GRHL2: variants seen among roughly 807,000 people sequenced by gnomAD.
GRHL2 encodes grainyhead like transcription factor 2.
A neutral mutation model predicts 83.8 loss-of-function variants in GRHL2; 21 were observed. The observed-to-expected ratio is 0.25, with a 90% CI of 0.18 to 0.36. The LOEUF (loss-of-function observed/expected upper bound fraction) is 0.36. Among genes scored for constraint, GRHL2 ranks in the 10% least tolerant of loss-of-function variants. GRHL2 has a pLI of 1.00. For missense variants in GRHL2, 623 were observed against 781.8 expected (o/e 0.80, Z 2.42); for synonymous variants, 280 against 278.9 (o/e 1.00, Z -0.04).
At position 101,661,510 on chromosome 8, in the gene GRHL2, A is replaced by G. The variant is rs150338999; in HGVS notation, c.1699-2944A>G. Reference sequence around the variant, plus strand: ...ACACATCCTCCCATGTACTTTAAATAATCTCTAGATTACTTATAATACGTA... The same window carrying G: ...ACACATCCTCCCATGTACTTTAAATGATCTCTAGATTACTTATAATACGTA... On this transcript the variant is annotated intron_variant, in intron 14 of 15. Coordinates refer to ENST00000646743, the MANE Select transcript of GRHL2 (RefSeq NM_024915.4). 4.2e-3 allele frequency among the ~76,000 whole-genome samples: 634 copies of G among 152,324 alleles called. 1 individual carries two copies. The highest frequency in any genetic ancestry group is 7.5e-3 in the South Asian group (36 of 4,820).
chr8:101,551,461 G>A (rs1296214605), intron 2 of GRHL2, among the ~76,000 whole-genome samples: 1 of 152,034 alleles, frequency 6.6e-6, no homozygotes, highest in Non-Finnish European at 1.5e-5. Flanking sequence ...CAGGTATCTG[G>A]GCTTGTGTAC....
intron 1 of GRHL2, among the ~76,000 whole-genome samples, chr8:101,508,214 A>T (rs1810379673): frequency 6.6e-6 from 1 of 152,144 alleles, no homozygotes; most frequent in South Asian, 2.1e-4. Flanking sequence ...ATATTTCCAA[A>T]TTGCCATCCA....
downstream of GRHL2, among the ~76,000 whole-genome samples, chr8:101,673,324 A>G (rs1586189324): frequency 6.6e-6 from 1 of 152,256 alleles, no homozygotes; most frequent in East Asian, 1.9e-4. Context: ...GTGCAGAGAC[A>G]CACATAGGCT....
intron 4 of GRHL2, among the ~76,000 whole-genome samples, chr8:101,560,281 G>A (rs190458997): frequency 5.3e-5 from 8 of 152,214 alleles, no homozygotes; most frequent in East Asian, 3.9e-4. Context: ...CGCCTGCTTC[G>A]GCCTCCCGAA....
chr8:101,662,421 T>C (rs1002468461), intron 14 of GRHL2, among the ~76,000 whole-genome samples: 6 of 152,202 alleles, frequency 3.9e-5, no homozygotes, highest in Admixed American at 6.5e-5. Flanking sequence ...TCCCGTGGGG[T>C]GAGATAGATG....
downstream of GRHL2, among the ~76,000 whole-genome samples, chr8:101,670,768 T>C (rs143344790): frequency 2.9e-4 from 44 of 152,354 alleles, no homozygotes; most frequent in East Asian, 8.1e-3. Context: ...GCTGGTTGGA[T>C]AGGCGATGAC....
chr8:101,520,900 G>T (rs1586415508), intron 1 of GRHL2, among the ~76,000 whole-genome samples: 1 of 152,200 alleles, frequency 6.6e-6, no homozygotes, highest in Admixed American at 6.5e-5. Flanking sequence ...TTTTCCTTGA[G>T]AAATTCCTCC....
chr8:101,559,956 C>G (rs1006823878), intron 4 of GRHL2, among the ~76,000 whole-genome samples: 16 of 152,212 alleles, frequency 1.1e-4, no homozygotes, highest in African/African-American at 3.6e-4. Context: ...CCTATGTTGC[C>G]TTTTATTGCT....
chr8:101,599,308 C>G (rs1812462590), intron 8 of GRHL2, among the ~76,000 whole-genome samples, 157 bp downstream of exon 8: 1 of 152,172 alleles, frequency 6.6e-6, no homozygotes, highest in Non-Finnish European at 1.5e-5. Flanking sequence ...AGGGAGTGTG[C>G]TCCTCTGTGG....
intron 7 of GRHL2, among the ~76,000 whole-genome samples, chr8:101,598,555 A>T (rs1301290810): frequency 6.6e-6 from 1 of 151,138 alleles, no homozygotes; most frequent in Non-Finnish European, 1.5e-5. Flanking sequence ...AGGAAATTTT[A>T]AAAAAGCTTT....
chr8:101,592,968 T>C (rs1244289664), intron 7 of GRHL2, among the ~76,000 whole-genome samples: 1 of 152,196 alleles, frequency 6.6e-6, no homozygotes. Flanking sequence ...TTGTTGTTGT[T>C]GAGATGGAGT....
intron 14 of GRHL2, among the ~76,000 whole-genome samples, chr8:101,660,765 T>G (rs1813903670): frequency 6.6e-6 from 1 of 152,196 alleles, no homozygotes. Context: ...CCAACTATTT[T>G]CTCCACCAGT....
chr8:101,538,378 C>T (rs1047617751), intron 1 of GRHL2, among the ~76,000 whole-genome samples: 4 of 151,970 alleles, frequency 2.6e-5, no homozygotes, highest in Non-Finnish European at 4.4e-5. Context: ...GATGACTCAT[C>T]TCTCAGCCAT....
At chr8:101,515,123 G>A (rs1378051114) in intron 1 of GRHL2, among the ~76,000 whole-genome samples, 1 of 147,418 alleles carries the variant, frequency 6.8e-6, no homozygotes, top group African/African-American at 2.5e-5. Context: ...TCTTGAAGTA[G>A]GAAAGAGAGA....
chr8:101,653,749 A>AAAAAC (rs1166512220), intron 14 of GRHL2, among the ~76,000 whole-genome samples: 4 of 60,482 alleles, frequency 6.6e-5, no homozygotes, highest in Middle Eastern at 8.8e-3. Context: ...AAAAAAAAAC[A>AAAAAC]AAAACAAAAA....
intron 9 of GRHL2, among the ~76,000 whole-genome samples, chr8:101,621,335 G>A (rs2130373263): frequency 6.6e-6 from 1 of 152,312 alleles, no homozygotes; most frequent in Admixed American, 6.5e-5. Context: ...TGGAAGTTAT[G>A]AAGATCAATG....
intron 7 of GRHL2, among the ~76,000 whole-genome samples, chr8:101,579,331 G>A (rs997611945): frequency 2.0e-5 from 3 of 152,058 alleles, no homozygotes; most frequent in South Asian, 2.1e-4. Flanking sequence ...ATTGTTACAG[G>A]GTTTACTTTT....
the GRHL2 span, among the ~76,000 whole-genome samples, chr8:101,680,603 C>T: frequency 8.2e-6 from 1 of 121,294 alleles, no homozygotes; most frequent in Non-Finnish European, 1.7e-5. Flanking sequence ...AACTCTCCAC[C>T]CCAAATCAAC....
At chr8:101,492,841 T>C (rs747326889) in intron 1 of GRHL2, 52 bp downstream of exon 1, 3 of 1,546,454 alleles carry the variant, frequency 1.9e-6, no homozygotes, top group East Asian at 2.2e-5. Context: ...TTTGGGCTGA[T>C]GGCAACTGGT....
Sources: gnomAD v4.1 joint callset for allele counts (sites outside exome capture counted in the v4.1 genomes callset) on GRCh38, gnomAD v4.1.1 for gene constraint, MANE v1.5 for transcripts, NCBI Gene and HGNC (gene_info 2026-07-23, HGNC 2026-07-21) for gene names.